Variants in ELMO1 observed in about 807,000 individuals in gnomAD.
The protein encoded by ELMO1 is engulfment and cell motility 1.
A neutral mutation model predicts 98.9 loss-of-function variants in ELMO1; 26 were observed. The ratio of observed to expected loss-of-function variants is 0.26; its 90% CI spans 0.19 to 0.36. ELMO1 has a LOEUF of 0.36. ELMO1 is among the 10% of genes least tolerant of loss of function. The pLI, the probability that ELMO1 is intolerant of heterozygous loss-of-function variation, is 1.00. For missense variants in ELMO1, 627 were observed against 935.2 expected (o/e 0.67, Z 4.30); for synonymous variants, 346 against 346.0 (o/e 1.00, Z 0.00).
intron 4 of ELMO1, among the ~76,000 whole-genome samples, chr7:37,306,384 C>A (rs547575974): frequency 6.6e-6 from 1 of 152,328 alleles, no homozygotes; most frequent in East Asian, 1.9e-4. Context: ...ACCTTGAACA[C>A]TGGCTTAAGA....
At chr7:37,139,630 G>A (rs1787484374) in intron 13 of ELMO1, among the ~76,000 whole-genome samples, 2 of 152,094 alleles carry the variant, frequency 1.3e-5, no homozygotes, top group Non-Finnish European at 2.9e-5. Context: ...TTGTGAAAAC[G>A]ACCATACTGT....
intron 4 of ELMO1, among the ~76,000 whole-genome samples, chr7:37,313,724 G>T (rs73691241): frequency 0.043 from 6,567 of 152,056 alleles, 470 homozygotes; most frequent in African/African-American, 0.15. Flanking sequence ...GAGTCCTAAG[G>T]GGAAGTAGAA....
intron 1 of ELMO1, among the ~76,000 whole-genome samples, chr7:37,383,609 A>T: frequency 6.6e-6 from 1 of 152,156 alleles, no homozygotes; most frequent in East Asian, 1.9e-4. Context: ...ATTTTGTTAC[A>T]TTTTTGGAAA....
chr7:36,945,326 GT>G (rs1402018084), intron 16 of ELMO1, among the ~76,000 whole-genome samples: 1 of 152,080 alleles, frequency 6.6e-6, no homozygotes, highest in Non-Finnish European at 1.5e-5. Context: ...TTTCACAAGG[GT>G]TTTGAAAGGG....
chr7:37,296,870 G>T (rs1309187544), intron 4 of ELMO1, among the ~76,000 whole-genome samples: 1 of 152,094 alleles, frequency 6.6e-6, no homozygotes, highest in African/African-American at 2.4e-5. Flanking sequence ...ACAGAAAAGA[G>T]GAAAATTAGG....
chr7:37,044,426 A>T (rs1795692521), intron 15 of ELMO1, among the ~76,000 whole-genome samples: 2 of 152,232 alleles, frequency 1.3e-5, no homozygotes, highest in African/African-American at 4.8e-5. Flanking sequence ...TATTGTCTTC[A>T]GTTAAAAATG....
intron 15 of ELMO1, among the ~76,000 whole-genome samples, chr7:37,082,989 C>T (rs1239004958): frequency 1.3e-5 from 2 of 152,226 alleles, no homozygotes; most frequent in Non-Finnish European, 2.9e-5. Context: ...GTAGTGGTTA[C>T]AGTCAGCATA....
intron 8 of ELMO1, among the ~76,000 whole-genome samples, chr7:37,225,398 A>G (rs1287628473): frequency 6.6e-6 from 1 of 152,178 alleles, no homozygotes. Flanking sequence ...TAATGTCAAC[A>G]TATGTTAATT....
rs550200043 is a variant in ELMO1 at position 37,138,169 on chromosome 7, C to T, written c.1087-4935G>A. Among the ~76,000 whole-genome samples the T allele has an allele frequency of 2.6e-5, 4 of 151,880 alleles. No homozygotes were observed. The South Asian group carries it at 6.2e-4, about 24-fold the overall frequency. On this transcript the variant is annotated intron_variant, in intron 13 of 21. Transcript: ENST00000310758. Reference sequence around the variant, plus strand: ...TGGACCTGGAGAAACAAGAACAATCCAAACCCAAACCCAGCAGAAGAAAAG... The same window carrying T: ...TGGACCTGGAGAAACAAGAACAATCTAAACCCAAACCCAGCAGAAGAAAAG...
intron 13 of ELMO1, among the ~76,000 whole-genome samples, chr7:37,163,375 G>C (rs1047040811): frequency 4.0e-5 from 6 of 150,866 alleles, no homozygotes; most frequent in African/African-American, 1.5e-4. Flanking sequence ...TAAGTTTTAG[G>C]GTACATGTGC....
intron 1 of ELMO1, among the ~76,000 whole-genome samples, chr7:37,369,393 C>T (rs1027970128): frequency 6.6e-6 from 1 of 151,992 alleles, no homozygotes; most frequent in African/African-American, 2.4e-5. Flanking sequence ...AGTGTCATGT[C>T]GGCACTCAAA....
At chr7:37,081,596 A>AATGATAT (rs1797867913) in intron 15 of ELMO1, among the ~76,000 whole-genome samples, 1 of 152,176 alleles carries the variant, frequency 6.6e-6, no homozygotes, top group Admixed American at 6.5e-5. Flanking sequence ...AGCAAGTCTC[A>AATGATAT]CGAGACAAGG....
chr7:37,166,094 C>A (rs1789665484), intron 13 of ELMO1, among the ~76,000 whole-genome samples: 1 of 152,182 alleles, frequency 6.6e-6, no homozygotes, highest in South Asian at 2.1e-4. Flanking sequence ...GGAATTTATC[C>A]ATTTCTTCTA....
At chr7:37,127,200 C>T (rs1203751724) in intron 14 of ELMO1, among the ~76,000 whole-genome samples, 1 of 152,188 alleles carries the variant, frequency 6.6e-6, no homozygotes, top group Non-Finnish European at 1.5e-5. Context: ...TCCCTGGGCC[C>T]ACTTATTCCT....
intron 15 of ELMO1, among the ~76,000 whole-genome samples, chr7:37,050,609 AACACACACACACACACACACACAC>A (rs60918785): frequency 3.9e-5 from 5 of 129,606 alleles, no homozygotes; most frequent in East Asian, 2.3e-4. Flanking sequence ...AGGTGCTCTG[AACACACACACACACACACACACAC>A]ACACACACAC....
chr7:37,082,064 A>G (rs1797891700), intron 15 of ELMO1, among the ~76,000 whole-genome samples: 1 of 152,240 alleles, frequency 6.6e-6, no homozygotes, highest in South Asian at 2.1e-4. Context: ...GGGGATAGGT[A>G]TGACTTGCAG....
rs555481152 is a variant in ELMO1 at position 37,294,653 on chromosome 7, G to T, written c.192+20197C>A. ...AAAATTGAGGAAACAAGTGATTATT[G>T]GTTAAAAAAATGGATAAATCAACTG... is the stretch of plus-strand genomic sequence containing the variant. On this transcript the variant is annotated intron_variant, in intron 4 of 21. Coordinates refer to ENST00000310758, the MANE Select transcript of ELMO1 (RefSeq NM_014800.11). 2.2e-4 allele frequency among the ~76,000 whole-genome samples: 33 copies of T among 152,234 alleles called. No individual in the cohort carries two copies. In the South Asian group the frequency reaches 6.8e-3, roughly 32 times the overall value.
intron 13 of ELMO1, among the ~76,000 whole-genome samples, chr7:37,161,279 G>T (rs1191196758): frequency 1.3e-5 from 2 of 152,100 alleles, no homozygotes; most frequent in Non-Finnish European, 2.9e-5. Flanking sequence ...TGTCATTCAT[G>T]TGAAGTCTGG....
At chr7:37,228,045 A>T (rs971968940) in intron 8 of ELMO1, among the ~76,000 whole-genome samples, 7 of 152,226 alleles carry the variant, frequency 4.6e-5, no homozygotes, top group Non-Finnish European at 4.4e-5. Context: ...TTACAGTCCT[A>T]TGTACAAGTC....
Sources: gnomAD v4.1 joint callset for allele counts (sites outside exome capture counted in the v4.1 genomes callset) on GRCh38, gnomAD v4.1.1 for gene constraint, MANE v1.5 for transcripts, NCBI Gene and HGNC (gene_info 2026-07-23, HGNC 2026-07-21) for gene names.